The following MYLK variants were observed in gnomAD, a reference collection of about 807,000 sequenced individuals.
MYLK encodes the protein myosin light chain kinase, smooth muscle.
In MYLK, 106 loss-of-function variants were observed where a neutral mutation model predicts 203.4. The observed-to-expected ratio is 0.52, with a 90% CI of 0.45 to 0.61. MYLK has a LOEUF of 0.61. MYLK is among the 20% of genes least tolerant of loss of function. MYLK has a pLI of 0.00. For synonymous variants in MYLK, 867 were observed against 959.5 expected (o/e 0.90, Z 1.78); for missense variants, 2,072 against 2,442.3 (o/e 0.85, Z 3.20).
chr3:123,872,386 C>A (rs550966211), intron 2 of MYLK, among the ~76,000 whole-genome samples: 1 of 152,246 alleles, frequency 6.6e-6, no homozygotes, highest in East Asian at 1.9e-4. Flanking sequence ...TCTTACAATC[C>A]AATTCAATGC....
intron 2 of MYLK, among the ~76,000 whole-genome samples, chr3:123,838,618 C>T (rs1223627165): frequency 6.6e-6 from 1 of 152,052 alleles, no homozygotes; most frequent in East Asian, 1.9e-4. Flanking sequence ...ATAACAACAA[C>T]AGCACAAGAG....
intron 4 of MYLK, among the ~76,000 whole-genome samples, chr3:123,760,801 G>C (rs1485478937): frequency 6.6e-6 from 1 of 152,088 alleles, no homozygotes; most frequent in Non-Finnish European, 1.5e-5. Flanking sequence ...GGTTGAATTG[G>C]CTTATTATTT....
chr3:123,857,136 G>C (rs953772053), intron 2 of MYLK, among the ~76,000 whole-genome samples: 16 of 151,892 alleles, frequency 1.1e-4, no homozygotes, highest in African/African-American at 3.6e-4. Flanking sequence ...TCATTAAAAA[G>C]TCAGGAAACA....
intron 23 of MYLK, among the ~76,000 whole-genome samples, chr3:123,661,246 G>C (rs1355325467): frequency 1.3e-5 from 2 of 152,192 alleles, no homozygotes; most frequent in Non-Finnish European, 2.9e-5. Context: ...TGGGGGGAGG[G>C]AGAGCTTTTC....
intron 3 of MYLK, among the ~76,000 whole-genome samples, chr3:123,826,331 G>A (rs2066117169): frequency 6.6e-6 from 1 of 152,138 alleles, no homozygotes; most frequent in South Asian, 2.1e-4. Flanking sequence ...AGCTGCATGG[G>A]CTGCCCCTGG....
intron 4 of MYLK, among the ~76,000 whole-genome samples, chr3:123,766,309 C>A (rs2063700597): frequency 1.3e-5 from 2 of 152,382 alleles, no homozygotes; most frequent in East Asian, 1.9e-4. Context: ...CTCATTCCCC[C>A]TTCTCTGCCT....
At chr3:123,816,891 A>G (rs997395237) in intron 3 of MYLK, among the ~76,000 whole-genome samples, 1 of 152,210 alleles carries the variant, frequency 6.6e-6, no homozygotes, top group Non-Finnish European at 1.5e-5. Context: ...AGTCTGAAGG[A>G]GGGTGCAGTA....
intron 3 of MYLK, among the ~76,000 whole-genome samples, chr3:123,823,810 A>C (rs1164592747): frequency 6.6e-6 from 1 of 151,986 alleles, no homozygotes; most frequent in Non-Finnish European, 1.5e-5. Context: ...ATCTCCTATT[A>C]AGCTCTGCCC....
chr3:123,830,390 A>T (rs2682214), intron 3 of MYLK, among the ~76,000 whole-genome samples: 25,003 of 151,970 alleles, frequency 0.16, 2,188 homozygotes, highest in South Asian at 0.23. Context: ...AGTCACTTTT[A>T]AAAAAATTCC....
intron 2 of MYLK, among the ~76,000 whole-genome samples, chr3:123,840,988 T>G (rs17374337): frequency 0.43 from 65,919 of 151,842 alleles, 17,993 homozygotes; most frequent in Non-Finnish European, 0.63. Flanking sequence ...GAAGATGGAG[T>G]ACGAAGAAAC....
intron 19 of MYLK, among the ~76,000 whole-genome samples, chr3:123,685,732 T>TCCCTG (rs988018905): frequency 2.0e-5 from 3 of 151,552 alleles, no homozygotes; most frequent in African/African-American, 7.3e-5. Flanking sequence ...CAGAAAACAC[T>TCCCTG]CCCTGCCCTG....
At chr3:123,793,414 C>T (rs907168120) in intron 4 of MYLK, among the ~76,000 whole-genome samples, 1 of 152,094 alleles carries the variant, frequency 6.6e-6, no homozygotes, top group Non-Finnish European at 1.5e-5. Context: ...TAGCATGTAC[C>T]CAGAACACAA....
intron 20 of MYLK, among the ~76,000 whole-genome samples, chr3:123,679,233 G>A (rs1003186385): frequency 6.6e-6 from 1 of 151,762 alleles, no homozygotes; most frequent in Non-Finnish European, 1.5e-5. Flanking sequence ...CTTGAAACCA[G>A]GAGGCGGAGG....
At chr3:123,674,662 C>T (rs879420838) in intron 20 of MYLK, among the ~76,000 whole-genome samples, 17 of 152,218 alleles carry the variant, frequency 1.1e-4, no homozygotes, top group Non-Finnish European at 1.8e-4. Flanking sequence ...TGCTGCTGGT[C>T]CCTGCACCTT....
Position 123,787,435 on chromosome 3 carries a change from G to C in MYLK, c.165+6242C>G, listed in dbSNP as rs140490051. On this transcript the variant is annotated intron_variant, in intron 4 of 33. Coordinates refer to ENST00000360304, the MANE Select transcript of MYLK (RefSeq NM_053025.4). The stretch of plus-strand genomic sequence containing the variant: ...TACACGGCCAAATCCTTATGGGCTT[G>C]AATGGCAAGACACCGGGAGTCTTAG... Among the ~76,000 whole-genome samples, 488 of 152,308 alleles carry C rather than the reference G, an allele frequency of 3.2e-3. 2 individuals are homozygous for C. The highest frequency in any genetic ancestry group is 5.0e-3 in the Non-Finnish European group (342 of 68,022).
chr3:123,835,277 G>A (rs1174035437), intron 2 of MYLK, among the ~76,000 whole-genome samples: 5 of 152,172 alleles, frequency 3.3e-5, no homozygotes, highest in African/African-American at 1.2e-4. Flanking sequence ...GCTCAAGGTT[G>A]AGAACCACTG....
intron 7 of MYLK, among the ~76,000 whole-genome samples, chr3:123,738,188 T>C (rs2062743827): frequency 6.6e-6 from 1 of 152,158 alleles, no homozygotes; most frequent in Admixed American, 6.5e-5. Flanking sequence ...AGAAGTCAAA[T>C]GACTTATCCA....
chr3:123,713,395 C>T (rs184956983), intron 13 of MYLK, among the ~76,000 whole-genome samples: 58 of 152,184 alleles, frequency 3.8e-4, no homozygotes, highest in Middle Eastern at 3.4e-3. Flanking sequence ...CATGCCCAGG[C>T]CTTCTGATGA....
chr3:123,813,284 T>C (rs1373032547), intron 3 of MYLK, among the ~76,000 whole-genome samples: 1 of 152,222 alleles, frequency 6.6e-6, no homozygotes. Flanking sequence ...TTAATGGTCA[T>C]GTACCAGGTT....
Sources: allele counts gnomAD v4.1 joint callset (sites outside exome capture counted in the v4.1 genomes callset), GRCh38; gene constraint gnomAD v4.1.1; transcripts MANE v1.5; gene names NCBI Gene and HGNC (gene_info 2026-07-23, HGNC 2026-07-21).